Variants in CLTRN observed in about 807,000 individuals in gnomAD.
CLTRN encodes collectrin.
In CLTRN, 12 loss-of-function variants were observed where a neutral mutation model predicts 14.5. The ratio of observed to expected loss-of-function variants is 0.83; its 90% CI spans 0.53 to 1.34. The LOEUF is 1.34. Ranked by LOEUF, CLTRN falls within the 40% of genes most tolerant of loss-of-function variation. The pLI, the probability that CLTRN is intolerant of heterozygous loss-of-function variation, is 0.00. For missense variants in CLTRN, 154 were observed against 165.1 expected, an observed-to-expected ratio of 0.93 and a Z score of 0.37; for synonymous variants, 58 against 56.5, an observed-to-expected ratio of 1.03 and a Z score of -0.12.
chrX:15,663,362 T>G, intron 2 of CLTRN, among the ~76,000 whole-genome samples: 1 of 112,231 alleles, frequency 8.9e-6, no homozygotes, highest in Non-Finnish European at 1.9e-5. Flanking sequence ...GGCTCAAATC[T>G]TACTTCTGCC....
In CLTRN at chrX:15,645,001, T is replaced by C; in HGVS notation, c.232A>G (p.Thr78Ala). ...ACAAACCAGAATGATACCCTCTGGG[T>C]TACATTGCAAAGTAGGACATGGGAA... is the stretch of plus-strand genomic sequence containing the variant. Reference protein sequence around the residue: ...EISHVLLCNVTQRVSFWFVVT... With the variant: ...EISHVLLCNVAQRVSFWFVVT... The change falls in exon 4 of 6, where the codon ACC (threonine) becomes GCC (alanine). Residue 78 changes from threonine (T) to alanine (A), a missense_variant. Coordinates refer to ENST00000380342, the MANE Select transcript of CLTRN (RefSeq NM_020665.6). 3 of 1,201,260 alleles carry C rather than the reference T, an allele frequency of 2.5e-6. No homozygotes were observed. Among genetic ancestry groups the C allele is most frequent in the Non-Finnish European group, 3.4e-6 (3 of 890,137 alleles).
At chrX:15,636,542 T>C (rs1429135873) in intron 5 of CLTRN, among the ~76,000 whole-genome samples, 1 of 112,099 alleles carries the variant, frequency 8.9e-6, no homozygotes, top group Non-Finnish European at 1.9e-5. Flanking sequence ...TTATATGCCA[T>C]AAATATATAC....
intron 3 of CLTRN, among the ~76,000 whole-genome samples, chrX:15,652,690 T>G (rs928727746): frequency 4.5e-5 from 5 of 112,085 alleles, no homozygotes; most frequent in African/African-American, 1.6e-4. Context: ...ACAAGTAAAG[T>G]CAGAAGTAAG....
chrX:15,655,212 A>G (rs181117326), intron 3 of CLTRN, among the ~76,000 whole-genome samples: 10 of 112,095 alleles, frequency 8.9e-5, no homozygotes, highest in Non-Finnish European at 1.9e-4. Context: ...CTCCTCGCTT[A>G]GGGACAGGAA....
intron 3 of CLTRN, among the ~76,000 whole-genome samples, chrX:15,654,921 T>G: frequency 8.9e-6 from 1 of 111,898 alleles, no homozygotes; most frequent in Non-Finnish European, 1.9e-5. Context: ...AAGGAAGAGG[T>G]TGATGTTGCT....
At chrX:15,669,250 CAAGTTTT>C (rs1929674598), upstream of CLTRN, among the ~76,000 whole-genome samples, 2 of 112,014 alleles carry the variant, frequency 1.8e-5, no homozygotes, top group Middle Eastern at 4.7e-3. Context: ...TCTTGATGTA[CAAGTTTT>C]AAGTAGTAAG....
At chrX:15,665,326 A>G (rs1929599699), upstream of CLTRN, among the ~76,000 whole-genome samples, 1 of 111,809 alleles carries the variant, frequency 8.9e-6, no homozygotes, top group South Asian at 3.7e-4. Flanking sequence ...TTACCTACTT[A>G]AGGTTAGAGG....
chrX:15,635,219 T>A (rs1432502619), intron 5 of CLTRN, among the ~76,000 whole-genome samples: 1 of 111,436 alleles, frequency 9.0e-6, no homozygotes, highest in African/African-American at 3.3e-5. Flanking sequence ...TCAGAATTTT[T>A]CAGCCTTGAT....
At chrX:15,660,364 A>G (rs964350172) in intron 2 of CLTRN, among the ~76,000 whole-genome samples, 11 of 110,974 alleles carry the variant, frequency 9.9e-5, no homozygotes, top group African/African-American at 3.6e-4. Flanking sequence ...TGTGCTGTCC[A>G]GGCTGGTCTC....
At chrX:15,662,749 T>C (rs1038982040) in intron 2 of CLTRN, among the ~76,000 whole-genome samples, 3 of 111,555 alleles carry the variant, frequency 2.7e-5, no homozygotes, top group Admixed American at 9.5e-5. Context: ...AAAATCACCA[T>C]TGACCTCCAT....
chrX:15,664,036 G>A (rs1228290692), intron 2 of CLTRN, among the ~76,000 whole-genome samples: 1 of 111,874 alleles, frequency 8.9e-6, no homozygotes, highest in Non-Finnish European at 1.9e-5. Context: ...AGACCTGAAC[G>A]ACTGACTCAG....
upstream of CLTRN, among the ~76,000 whole-genome samples, chrX:15,668,446 A>C: frequency 8.9e-6 from 1 of 112,874 alleles, no homozygotes; most frequent in Non-Finnish European, 1.9e-5. Context: ...GCTTTTCACT[A>C]TTAAAATTTT....
chrX:15,662,067 C>A (rs1929520790), intron 2 of CLTRN, among the ~76,000 whole-genome samples: 1 of 110,974 alleles, frequency 9.0e-6, no homozygotes. Flanking sequence ...TCATGATGAC[C>A]TACCCCCAAA....
chrX:15,670,788 T>C (rs915832892), intron 1 of CLTRN, among the ~76,000 whole-genome samples: 5 of 109,968 alleles, frequency 4.5e-5, no homozygotes, highest in Non-Finnish European at 9.5e-5. Flanking sequence ...CCACAAACTT[T>C]AAAAATGTCA....
intron 5 of CLTRN, among the ~76,000 whole-genome samples, chrX:15,635,660 A>G (rs747986433): frequency 1.8e-5 from 2 of 112,176 alleles, no homozygotes; most frequent in South Asian, 7.3e-4. Flanking sequence ...TAAACCTAAG[A>G]CCTGAAACTA....
chrX:15,668,374 CATT>C (rs1357549821), upstream of CLTRN, among the ~76,000 whole-genome samples: 1 of 112,175 alleles, frequency 8.9e-6, no homozygotes, highest in Non-Finnish European at 1.9e-5. Flanking sequence ...GTGATACGAG[CATT>C]ATATTTGTAA....
chrX:15,643,531 G>C (rs1229001569), intron 4 of CLTRN, among the ~76,000 whole-genome samples: 1 of 112,085 alleles, frequency 8.9e-6, no homozygotes, highest in Non-Finnish European at 1.9e-5. Flanking sequence ...TTAACCCAGT[G>C]CCTTCATTTT....
intron 3 of CLTRN, among the ~76,000 whole-genome samples, chrX:15,649,268 A>G (rs1283500908): frequency 8.9e-6 from 1 of 112,274 alleles, no homozygotes; most frequent in Non-Finnish European, 1.9e-5. Flanking sequence ...GAACTATACC[A>G]TGAATTCAAG....
chrX:15,637,688 C>A (rs1186147078), intron 5 of CLTRN, among the ~76,000 whole-genome samples: 1 of 111,969 alleles, frequency 8.9e-6, no homozygotes. Context: ...CAGCAAATGG[C>A]AAGATCATAA....
Sources: gnomAD v4.1 joint callset for allele counts (sites outside exome capture counted in the v4.1 genomes callset) on GRCh38, gnomAD v4.1.1 for gene constraint, MANE v1.5 for transcripts, NCBI Gene and HGNC (gene_info 2026-07-23, HGNC 2026-07-21) for gene names.